The following EQTN variants were observed in gnomAD, a reference collection of about 807,000 sequenced individuals.
EQTN encodes equatorin, also known as Acrosome formation associated factor.
Under a neutral mutation model 26.9 loss-of-function variants are expected in EQTN, and 29 were observed. That is an observed-to-expected ratio of 1.08 (90% CI 0.80 to 1.47). EQTN has a LOEUF of 1.47. Among genes scored for constraint, EQTN ranks in the 40% most tolerant of loss-of-function variants. The pLI is 0.00. For synonymous variants in EQTN, 129 were observed against 120.0 expected (o/e 1.07, Z -0.49); for missense variants, 391 against 346.1 (o/e 1.13, Z -1.03).
intron 3 of EQTN, 114 bp downstream of exon 3, chr9:27,294,202 T>G: frequency 1.6e-6 from 1 of 620,240 alleles, no homozygotes; most frequent in Non-Finnish European, 2.8e-6. Flanking sequence ...AGAGGGAAAA[T>G]GTTAGTCTTA....
chr9:27,293,385 T>C (rs1046314957), intron 3 of EQTN, among the ~76,000 whole-genome samples: 2 of 152,192 alleles, frequency 1.3e-5, no homozygotes, highest in African/African-American at 4.8e-5. Context: ...TTTTAGGGAC[T>C]ATACTTAAGC....
intron 6 of EQTN, among the ~76,000 whole-genome samples, chr9:27,288,064 C>A (rs538132374): frequency 1.3e-5 from 2 of 152,178 alleles, no homozygotes; most frequent in Non-Finnish European, 2.9e-5. Flanking sequence ...CCTCAGCCTC[C>A]CAAAGTGCTG....
At chr9:27,296,533 G>A in intron 2 of EQTN, 80 bp downstream of exon 2, 1 of 1,026,304 alleles carries the variant, frequency 9.7e-7, no homozygotes, top group Non-Finnish European at 1.4e-6. Context: ...GGGAAATGAT[G>A]GAAATTTAAA....
rs1433584799 is a variant in EQTN at position 27,296,480 on chromosome 9, G to A, written c.202+133C>T. The A allele has an allele frequency of 4.8e-6, 3 of 624,506 alleles. No individual in the cohort carries two copies. The African/African-American group carries it at 5.6e-5, about 12-fold the overall frequency. 38.7% of individuals were successfully genotyped at this position (624,506 alleles called of 1,614,324 possible). ...GGAAAAATGGGCAAGGGTATGAACA[G>A]GCAGGTCACAGAAGTAGAAATAAAA... On this transcript the variant is annotated intron_variant, in intron 2 of 7. Transcript: ENST00000380032.
chr9:27,295,702 G>T (rs1820321344), intron 2 of EQTN, among the ~76,000 whole-genome samples: 1 of 151,358 alleles, frequency 6.6e-6, no homozygotes, highest in African/African-American at 2.4e-5. Flanking sequence ...CGTGGTGGCG[G>T]GCGCCTGTAG....
chr9:27,291,122 A>C, intron 4 of EQTN, 59 bp from the exon 5 acceptor site: 1 of 1,472,444 alleles, frequency 6.8e-7, no homozygotes, highest in Non-Finnish European at 9.2e-7. Flanking sequence ...ATAACAAAAT[A>C]ATTTAGTTTG....
At position 27,284,773 on chromosome 9, in the gene EQTN, T is replaced by C; in HGVS notation, c.835A>G (p.Ile279Val). The C allele has an allele frequency of 1.2e-6, 2 of 1,614,166 alleles. No individual in the cohort carries two copies. Among genetic ancestry groups the C allele is most frequent in the Non-Finnish European group, 1.7e-6 (2 of 1,180,020 alleles). ...ESKIMTDIISIGSDNEMHEND... is the reference protein window; with the variant it reads ...ESKIMTDIISVGSDNEMHEND... Reference sequence around the variant, plus strand: ...TCATGCATCTCATTATCTGAGCCTATGGAAATGATATCCGTCATTATCTTA... The same window carrying C: ...TCATGCATCTCATTATCTGAGCCTACGGAAATGATATCCGTCATTATCTTA... The change falls in exon 8 of 8, where the codon ATA becomes GTA. Residue 279 changes from isoleucine to valine, a missense_variant. Transcript: ENST00000380032.
At position 27,292,271 on chromosome 9, in the gene EQTN, T is replaced by G. The variant is rs988030786; in HGVS notation, c.376+130A>C. ...CACCATTTAAAAGATTTTAGTGACT[T>G]TAAAAGGTAGCAGTATAAATTCTTT... On this transcript the variant is annotated intron_variant, in intron 4 of 7. Transcript: ENST00000380032. 7 of 492,590 alleles carry G rather than the reference T, an allele frequency of 1.4e-5. No homozygotes were observed. The Admixed American group carries it at 2.7e-4, about 19-fold the overall frequency. 30.5% of individuals were successfully genotyped at this position (492,590 alleles called of 1,614,324 possible).
intron 6 of EQTN, among the ~76,000 whole-genome samples, chr9:27,287,445 T>A (rs752435474): frequency 1.8e-4 from 28 of 152,192 alleles, no homozygotes; most frequent in Non-Finnish European, 4.4e-5. Flanking sequence ...TCATAGTACA[T>A]CTTCTTTATC....
chr9:27,286,178 T>A, intron 7 of EQTN, 31 bp downstream of exon 7: 1 of 1,606,270 alleles, frequency 6.2e-7, no homozygotes, highest in Non-Finnish European at 8.5e-7. Flanking sequence ...CATGCATTTG[T>A]TGTAAAGACT....
chr9:27,285,368 T>C (rs1053749857), intron 7 of EQTN, among the ~76,000 whole-genome samples: 3 of 152,108 alleles, frequency 2.0e-5, no homozygotes, highest in Non-Finnish European at 4.4e-5. Context: ...GGTCTTGATT[T>C]CTTGACCTCG....
At chr9:27,291,338 G>A (rs1820231148) in intron 4 of EQTN, among the ~76,000 whole-genome samples, 1 of 152,206 alleles carries the variant, frequency 6.6e-6, no homozygotes, top group South Asian at 2.1e-4. Flanking sequence ...CAGGTGGTAT[G>A]CACAGGGTTT....
chr9:27,286,209 C>T lies in EQTN; in HGVS notation c.635G>A (p.Ser212Asn). Residue 212 changes from serine to asparagine, a missense_variant and splice_region_variant, in exon 7 of 8, where the codon AGT becomes AAT. By Grantham distance (46) the Ser-to-Asn change is conservative (BLOSUM62 1). Coordinates refer to ENST00000380032, the MANE Select transcript of EQTN (RefSeq NM_020641.3). ...SATLYKLRHLSYKSCESQYSV... is the reference protein window; with the variant it reads ...SATLYKLRHLNYKSCESQYSV... ...AGACTGCAGAGGTCTGCAGACTTAC[C>T]TCAGATGCCTCAGTTTGTACAGTGT... 1 of 1,613,512 alleles carries T rather than the reference C, an allele frequency of 6.2e-7. No homozygotes were observed. Among genetic ancestry groups the T allele is most frequent in the Non-Finnish European group, 8.5e-7 (1 of 1,179,692 alleles).
At position 27,296,621 on chromosome 9, in the gene EQTN, A is replaced by T; in HGVS notation, c.194T>A (p.Ile65Lys). ...TCACTTTAAAGACTTACATTGTTTT[A>T]TATCTTTATAATAATTGCCATTTTT... The part of the protein sequence containing the change: ...NEKNGNYYKD[I>K]KQYVFTTQNP... The change falls in exon 2 of 8, where the codon ATA becomes AAA. Residue 65 changes from isoleucine (I) to lysine (K), a missense_variant. Ile to Lys is a moderately radical substitution (Grantham distance 102). Transcript: ENST00000380032. 1.3e-6 allele frequency: 2 copies of T among 1,522,246 alleles called. No individual in the cohort carries two copies. Among genetic ancestry groups the T allele is most frequent in the Non-Finnish European group, 1.8e-6 (2 of 1,103,600 alleles). The allele number at this position is 1,522,246 out of a possible 1,614,324, so 94.3% of individuals were successfully genotyped here. A position where few individuals can be genotyped will look rare whatever the true frequency, so the allele number is the denominator to read the frequency against.
rs1208589576 is a variant in EQTN, at chr9:27,292,469, G to A, written c.308C>T (p.Thr103Ile). 6.2e-7 allele frequency: 1 copy of A among 1,604,694 alleles called. No individual in the cohort carries two copies. Among genetic ancestry groups the A allele is most frequent in the African/African-American group, 1.3e-5 (1 of 74,570 alleles). The change falls in exon 4 of 8, where the codon ACT becomes ATT. Residue 103 changes from threonine (T) to isoleucine (I), a missense_variant. Transcript: ENST00000380032. ...TTCAATGGTGGATTTTTCATATGTA[G>A]TTGCATTGACAGTTTTATCTAGGAA... ...ALKNDKTVNA[T>I]TYEKSTIEEE...
chr9:27,296,807 C>T, intron 1 of EQTN, 69 bp from the exon 2 acceptor site: 3 of 1,576,542 alleles, frequency 1.9e-6, no homozygotes, highest in Non-Finnish European at 2.6e-6. Context: ...CTTTTTCTAA[C>T]TGCATTTTTT....
At chr9:27,291,199 G>T in intron 4 of EQTN, 136 bp from the exon 5 acceptor site, 1 of 682,526 alleles carries the variant, frequency 1.5e-6, no homozygotes, top group Non-Finnish European at 2.4e-6. Flanking sequence ...CAGACCTGTG[G>T]TTGGCACTAA....
chr9:27,286,629 A>G (rs1291740634), intron 6 of EQTN, among the ~76,000 whole-genome samples: 5 of 152,252 alleles, frequency 3.3e-5, no homozygotes, highest in Admixed American at 3.3e-4. Flanking sequence ...GTGTTTGCGC[A>G]TAGCACATAG....
intron 1 of EQTN, 36 bp from the exon 2 acceptor site, chr9:27,296,774 A>T: frequency 6.3e-7 from 1 of 1,585,840 alleles, no homozygotes; most frequent in Non-Finnish European, 8.5e-7. Context: ...GATCAGAAAT[A>T]TGTTGATTTC....
Sources: gnomAD v4.1 joint callset for allele counts (sites outside exome capture counted in the v4.1 genomes callset) on GRCh38, gnomAD v4.1.1 for gene constraint, MANE v1.5 for transcripts, NCBI Gene and HGNC (gene_info 2026-07-23, HGNC 2026-07-21) for gene names.